Variants in CACNA1C observed in about 807,000 individuals in gnomAD.
CACNA1C encodes voltage-dependent L-type calcium channel subunit alpha-1C.
CACNA1C carries 30 observed loss-of-function variants against 229.0 expected under a neutral mutation model. The observed-to-expected ratio is 0.13, with a 90% CI of 0.10 to 0.18. The LOEUF (loss-of-function observed/expected upper bound fraction) is 0.18. Among genes scored for constraint, CACNA1C ranks in the 10% least tolerant of loss-of-function variants. The probability of loss-of-function intolerance (pLI) is 1.00; values close to 1 mark genes in which losing one functional copy is unlikely to be tolerated. For synonymous variants in CACNA1C, 1,114 were observed against 1,132.5 expected, an observed-to-expected ratio of 0.98 and a Z score of 0.33; for missense variants, 1,658 against 2,845.0, an observed-to-expected ratio of 0.58 and a Z score of 9.49.
intron 3 of CACNA1C, among the ~76,000 whole-genome samples, chr12:2,138,289 T>C (rs1203247408): frequency 1.3e-5 from 2 of 151,176 alleles, no homozygotes; most frequent in East Asian, 3.9e-4. Flanking sequence ...GGAAGTGCTG[T>C]GGTCCCTGTG....
intron 28 of CACNA1C, among the ~76,000 whole-genome samples, 193 bp downstream of exon 28, chr12:2,610,892 T>C (rs1448006843): frequency 6.6e-6 from 1 of 152,196 alleles, no homozygotes; most frequent in African/African-American, 2.4e-5. Context: ...CATGGCACCC[T>C]GGGTTGATCA....
In CACNA1C at chr12:2,686,052, G is replaced by A. The variant is rs571792145; in HGVS notation, c.5681-114G>A. The A allele has an allele frequency of 9.5e-6, 9 of 943,338 alleles. No individual in the cohort carries two copies. The East Asian group carries it at 2.2e-4, about 23-fold the overall frequency. 58.4% of individuals were successfully genotyped at this position (943,338 alleles called of 1,614,324 possible). A position where few individuals can be genotyped will look rare whatever the true frequency, so the allele number is the denominator to read the frequency against. ...CGTCTCAGACGAGGGGAGGGGAAAG[G>A]AGGAGCGTCTCGGGCCATAGTTACT... is the stretch of plus-strand genomic sequence containing the variant. On this transcript the variant is annotated intron_variant, in intron 44 of 46. Coordinates refer to ENST00000399655, the MANE Select transcript of CACNA1C (RefSeq NM_000719.7).
At chr12:2,503,251 G>A (rs2099764632) in intron 7 of CACNA1C, among the ~76,000 whole-genome samples, 2 of 152,138 alleles carry the variant, frequency 1.3e-5, no homozygotes, top group African/African-American at 4.8e-5. Flanking sequence ...TGACGCTGAA[G>A]CTGTTCGTCC....
chr12:2,095,626 G>T (rs945006372), intron 1 of CACNA1C, among the ~76,000 whole-genome samples: 7 of 152,338 alleles, frequency 4.6e-5, no homozygotes, highest in South Asian at 4.1e-4. Context: ...CAAGGACCCT[G>T]GAGGAGAAGG....
intron 3 of CACNA1C, among the ~76,000 whole-genome samples, chr12:2,412,526 A>G (rs2098819736): frequency 6.6e-6 from 1 of 152,250 alleles, no homozygotes; most frequent in African/African-American, 2.4e-5. Flanking sequence ...CTCACACTGT[A>G]TGCTTTGCTT....
At chr12:2,345,118 C>T (rs1026452882) in intron 3 of CACNA1C, among the ~76,000 whole-genome samples, 9 of 150,720 alleles carry the variant, frequency 6.0e-5, no homozygotes, top group African/African-American at 2.2e-4. Flanking sequence ...TCAATCAGAA[C>T]CAGCAGGAAG....
rs997334741 is a variant in CACNA1C at position 2,095,739 on chromosome 12, G to A, written c.50-19485G>A. ...GGACATAGGAAGATGGCAAACAGAC[G>A]CCCACAGAAGAGGAGAGTGCATGCA... On this transcript the variant is annotated intron_variant, in intron 1 of 46. Coordinates refer to ENST00000399655, the MANE Select transcript of CACNA1C (RefSeq NM_000719.7). Among the ~76,000 whole-genome samples the A allele has an allele frequency of 8.5e-5, 13 of 152,166 alleles. 1 individual carries two copies. Among genetic ancestry groups the A allele is most frequent in the Admixed American group, 8.5e-4 (13 of 15,270 alleles).
intron 10 of CACNA1C, among the ~76,000 whole-genome samples, chr12:2,552,949 G>A (rs2042118820): frequency 1.3e-5 from 2 of 152,318 alleles, no homozygotes; most frequent in African/African-American, 4.8e-5. Flanking sequence ...AGCAGGAAGA[G>A]GTGAAACAAG....
intron 3 of CACNA1C, among the ~76,000 whole-genome samples, chr12:2,200,946 T>C (rs1443859378): frequency 1.3e-5 from 2 of 152,262 alleles, no homozygotes; most frequent in Non-Finnish European, 2.9e-5. Flanking sequence ...AATGTGCTTT[T>C]ATCCAATGAA....
intron 3 of CACNA1C, among the ~76,000 whole-genome samples, chr12:2,311,154 G>T (rs565826945): frequency 1.9e-3 from 284 of 152,328 alleles, no homozygotes; most frequent in Non-Finnish European, 3.7e-3. Flanking sequence ...GGGGAAGCCA[G>T]TGTCACCTCA....
Position 2,605,238 on chromosome 12 carries a change from G to T in CACNA1C, c.3048+70G>T. On this transcript the variant is annotated intron_variant, in intron 23 of 46. Coordinates refer to ENST00000399655, the MANE Select transcript of CACNA1C (RefSeq NM_000719.7). This position sits in a 1 kb window ranked among gnomAD's most constrained non-coding sequence, Gnocchi z 6.2. ...GGAGTGGGAGCTCCACAGAGGTGAG[G>T]GGTGGGTTGGAAGGAGATGATGGTC... is the stretch of plus-strand genomic sequence containing the variant. 2 of 1,105,772 alleles carry T rather than the reference G, an allele frequency of 1.8e-6. No individual in the cohort carries two copies. Among genetic ancestry groups the T allele is most frequent in the East Asian group, 2.4e-5 (1 of 41,958 alleles). The allele number at this position is 1,105,772 out of a possible 1,614,324, so 68.5% of individuals were successfully genotyped here.
intron 3 of CACNA1C, among the ~76,000 whole-genome samples, chr12:2,266,188 C>A (rs1013810198): frequency 2.0e-5 from 3 of 151,670 alleles, no homozygotes; most frequent in African/African-American, 7.3e-5. Flanking sequence ...TTCCCCAAAG[C>A]AGCCTCACTT....
chr12:2,450,485 C>T (rs1007413780), intron 4 of CACNA1C, among the ~76,000 whole-genome samples: 18 of 126,176 alleles, frequency 1.4e-4, no homozygotes, highest in Non-Finnish European at 2.5e-4. Context: ...ACCCGGGAGG[C>T]GGAGCTTACA....
intron 5 of CACNA1C, among the ~76,000 whole-genome samples, chr12:2,459,620 A>C (rs2099485768): frequency 6.6e-6 from 1 of 152,190 alleles, no homozygotes; most frequent in Non-Finnish European, 1.5e-5. Flanking sequence ...TATCGTGGCC[A>C]GGACCCACTT....
At chr12:2,232,473 C>T (rs1046912642) in intron 3 of CACNA1C, among the ~76,000 whole-genome samples, 1 of 152,158 alleles carries the variant, frequency 6.6e-6, no homozygotes, top group African/African-American at 2.4e-5. Context: ...TGATGTCTTT[C>T]TACTGGTGCT....
At chr12:2,182,447 C>T (rs148748913) in intron 3 of CACNA1C, among the ~76,000 whole-genome samples, 86 of 152,228 alleles carry the variant, frequency 5.6e-4, no homozygotes, top group Middle Eastern at 3.4e-3. Flanking sequence ...AAATCGAAAT[C>T]CACTCACATT....
In CACNA1C at chr12:2,523,133, G is replaced by A. The variant is rs559316565; in HGVS notation, c.1390+10149G>A. ...ACGGAGAAAGGAGGAAAAGAGCGGA[G>A]ATGGGGCGGGAGGGCGGGGGCGGTG... On this transcript the variant is annotated intron_variant, in intron 9 of 46. Coordinates refer to ENST00000399655, the MANE Select transcript of CACNA1C (RefSeq NM_000719.7). Among the ~76,000 whole-genome samples, 676 of 146,570 alleles carry A rather than the reference G, an allele frequency of 4.6e-3. 3 individuals carry two copies. Among genetic ancestry groups the A allele is most frequent in the African/African-American group, 0.015 (572 of 39,340 alleles).
intron 1 of CACNA1C, among the ~76,000 whole-genome samples, chr12:2,001,552 C>T (rs1471743952): frequency 6.6e-6 from 1 of 152,170 alleles, no homozygotes; most frequent in Non-Finnish European, 1.5e-5. Flanking sequence ...TCTATTTTAA[C>T]TTGATTATTC....
chr12:2,469,379 A>C (rs539145205), intron 5 of CACNA1C, among the ~76,000 whole-genome samples: 2 of 152,340 alleles, frequency 1.3e-5, no homozygotes, highest in East Asian at 3.9e-4. Flanking sequence ...CCGTTTCTTC[A>C]TCTATGCCGC....
Sources: allele counts gnomAD v4.1 joint callset (sites outside exome capture counted in the v4.1 genomes callset), GRCh38; gene constraint gnomAD v4.1.1; non-coding constraint Gnocchi (gnomAD v3.1); transcripts MANE v1.5; gene names NCBI Gene and HGNC (gene_info 2026-07-23, HGNC 2026-07-21).